ARHGAP6: variants seen among roughly 807,000 people sequenced by gnomAD.
The protein encoded by ARHGAP6 is rho GTPase-activating protein 6.
In ARHGAP6, 16 loss-of-function variants were observed where a neutral mutation model predicts 55.7. That is an observed-to-expected ratio of 0.29 (90% CI 0.19 to 0.44). The LOEUF (loss-of-function observed/expected upper bound fraction) is 0.44. Ranked by LOEUF, ARHGAP6 falls within the 20% of genes least tolerant of loss-of-function variation. The pLI is 1.00. For synonymous variants in ARHGAP6, 382 were observed against 360.9 expected (o/e 1.06, Z -0.66); for missense variants, 698 against 808.9 (o/e 0.86, Z 1.66).
At chrX:11,349,477 C>A (rs993802858) in intron 1 of ARHGAP6, among the ~76,000 whole-genome samples, 20 of 110,956 alleles carry the variant, frequency 1.8e-4, no homozygotes, top group African/African-American at 6.6e-4. Context: ...ATCTCCAAAG[C>A]CTAGAATAGC....
chrX:11,375,295 A>C (rs2049188121), intron 1 of ARHGAP6, among the ~76,000 whole-genome samples: 1 of 112,288 alleles, frequency 8.9e-6, no homozygotes, highest in South Asian at 3.7e-4. Flanking sequence ...CCATACATGA[A>C]AGTTCTGCAA....
At chrX:11,448,395 C>T (rs1002883972) in intron 1 of ARHGAP6, among the ~76,000 whole-genome samples, 2 of 111,812 alleles carry the variant, frequency 1.8e-5, no homozygotes, top group Non-Finnish European at 1.9e-5. Flanking sequence ...AAAATGAGTG[C>T]ACAAATATGC....
In ARHGAP6 at chrX:11,139,047, G is replaced by A; in HGVS notation, c.2741C>T (p.Ala914Val). The change falls in exon 13 of 13, where the codon GCA (alanine) becomes GTA (valine). Residue 914 changes from alanine (A) to valine (V), a missense_variant. Physicochemically the swap from Ala to Val is moderately conservative, Grantham distance 64 (BLOSUM62 0). Transcript: ENST00000337414. Reference sequence around the variant, plus strand: ...CGTGACCTGCTGCTCTCGCTCGGCTGCTTGGCCTCCCTGGTCCGTGGGTGT... The same window carrying A: ...CGTGACCTGCTGCTCTCGCTCGGCTACTTGGCCTCCCTGGTCCGTGGGTGT... The part of the protein sequence containing the change: ...VETPTDQGGQ[A>V]AEREQQVTQK... The A allele has an allele frequency of 1.7e-6, 2 of 1,207,764 alleles. No individual in the cohort carries two copies. Among genetic ancestry groups the A allele is most frequent in the East Asian group, 3.0e-5 (1 of 33,747 alleles).
chrX:11,405,542 C>A (rs1259719210), intron 1 of ARHGAP6, among the ~76,000 whole-genome samples: 5 of 111,559 alleles, frequency 4.5e-5, no homozygotes, highest in African/African-American at 1.6e-4. Flanking sequence ...TATTACATAT[C>A]CATAAGAAAA....
intron 1 of ARHGAP6, chrX:11,298,307 G>A: frequency 8.4e-7 from 1 of 1,193,972 alleles, no homozygotes; most frequent in South Asian, 1.8e-5. Flanking sequence ...CTTATTCCCT[G>A]AAAATATTAG....
chrX:11,268,803 A>G (rs2047658465), intron 1 of ARHGAP6, among the ~76,000 whole-genome samples: 1 of 111,299 alleles, frequency 9.0e-6, no homozygotes, highest in Non-Finnish European at 1.9e-5. Context: ...ACTTTAACCA[A>G]CTGAATGTGG....
intron 1 of ARHGAP6, among the ~76,000 whole-genome samples, chrX:11,325,879 G>A (rs767451161): frequency 3.6e-5 from 4 of 111,380 alleles, no homozygotes; most frequent in Non-Finnish European, 7.5e-5. Context: ...GGCATCTAGC[G>A]GCTAGAAATC....
chrX:11,663,242 T>C lies in ARHGAP6; in HGVS notation c.588+999A>G, dbSNP rs1350436369. 2.7e-5 allele frequency among the ~76,000 whole-genome samples: 3 copies of C among 112,290 alleles called. No homozygotes were observed. The East Asian group carries it at 8.4e-4, about 31-fold the overall frequency. ...GATGCTATTTTCAAACGGTTTTCCT[T>C]GGTTGTGTATTTAGCCTAAATCTCC... On this transcript the variant is annotated intron_variant, in intron 1 of 12. Transcript: ENST00000337414.
intron 2 of ARHGAP6, among the ~76,000 whole-genome samples, chrX:11,204,215 C>T (rs2046672633): frequency 8.9e-6 from 1 of 112,107 alleles, no homozygotes; most frequent in South Asian, 3.7e-4. Context: ...TTTTCTTTTC[C>T]TATCTCAGGG....
At chrX:11,364,648 C>T (rs1172927665) in intron 1 of ARHGAP6, among the ~76,000 whole-genome samples, 2 of 111,634 alleles carry the variant, frequency 1.8e-5, no homozygotes, top group African/African-American at 3.3e-5. Flanking sequence ...AAATGCATAT[C>T]AGATTAAGTT....
chrX:11,520,670 T>C (rs975256720), intron 1 of ARHGAP6, among the ~76,000 whole-genome samples: 2 of 111,525 alleles, frequency 1.8e-5, no homozygotes, highest in African/African-American at 6.5e-5. Flanking sequence ...CCTCTGGGTA[T>C]ATACCCAGTA....
At chrX:11,515,826 C>T (rs1283138019) in intron 1 of ARHGAP6, among the ~76,000 whole-genome samples, 1 of 112,468 alleles carries the variant, frequency 8.9e-6, no homozygotes, top group African/African-American at 3.2e-5. Flanking sequence ...CAAAACCTCA[C>T]ATGATTTATG....
At chrX:11,336,015 A>T (rs1569304770) in intron 1 of ARHGAP6, 1 of 115,336 alleles carries the variant, frequency 8.7e-6, no homozygotes, top group African/African-American at 3.2e-5. Flanking sequence ...TTTGTATTAG[A>T]AGACCTCCAC....
At chrX:11,585,743 A>G (rs886248402) in intron 1 of ARHGAP6, among the ~76,000 whole-genome samples, 2 of 112,292 alleles carry the variant, frequency 1.8e-5, no homozygotes, top group African/African-American at 6.5e-5. Context: ...ATTTCTATAA[A>G]GAAATACCTG....
chrX:11,595,218 A>T (rs6640751), intron 1 of ARHGAP6, among the ~76,000 whole-genome samples: 9 of 106,691 alleles, frequency 8.4e-5, no homozygotes, highest in Non-Finnish European at 1.7e-4. Context: ...TGAACCCAGG[A>T]GGCAGAGGTG....
chrX:11,580,462 A>G (rs1162319302), intron 1 of ARHGAP6, among the ~76,000 whole-genome samples: 1 of 111,829 alleles, frequency 8.9e-6, no homozygotes, highest in African/African-American at 3.3e-5. Flanking sequence ...AAGCATGACC[A>G]AAGAGGATGA....
chrX:11,581,502 G>A (rs947224185), intron 1 of ARHGAP6, among the ~76,000 whole-genome samples: 1 of 111,827 alleles, frequency 8.9e-6, no homozygotes, highest in Non-Finnish European at 1.9e-5. Context: ...TAGCCGAAAG[G>A]TAGAAACAAC....
chrX:11,485,310 C>T (rs1051479375), intron 1 of ARHGAP6, among the ~76,000 whole-genome samples: 1 of 110,527 alleles, frequency 9.0e-6, no homozygotes, highest in Non-Finnish European at 1.9e-5. Flanking sequence ...GGATTTATCA[C>T]GGAAAGAGTA....
At chrX:11,511,123 A>T (rs952117516) in intron 1 of ARHGAP6, among the ~76,000 whole-genome samples, 2 of 112,372 alleles carry the variant, frequency 1.8e-5, no homozygotes, top group East Asian at 2.8e-4. Context: ...CATTACAGGA[A>T]ATGAGCATAA....
Sources: allele counts gnomAD v4.1 joint callset (sites outside exome capture counted in the v4.1 genomes callset), GRCh38; gene constraint gnomAD v4.1.1; transcripts MANE v1.5; gene names NCBI Gene and HGNC (gene_info 2026-07-23, HGNC 2026-07-21).